Variants in WARS1 observed in about 807,000 individuals in gnomAD.
WARS1 encodes the protein tryptophan--tRNA ligase, cytoplasmic.
WARS1 carries 17 observed loss-of-function variants against 47.8 expected under a neutral mutation model. That is an observed-to-expected ratio of 0.36 (90% confidence interval 0.24 to 0.53). The LOEUF (loss-of-function observed/expected upper bound fraction) is 0.53. WARS1 is among the 20% of genes least tolerant of loss of function. WARS1 has a pLI of 0.91. For missense variants in WARS1, 434 were observed against 608.0 expected, an observed-to-expected ratio of 0.71 and a Z score of 3.01; for synonymous variants, 208 against 228.1, an observed-to-expected ratio of 0.91 and a Z score of 0.79.
rs2234527 is a variant in WARS1, at chr14:100,342,317, C to T, written c.1113+81G>A. On this transcript the variant is annotated intron_variant, in intron 9 of 10. Coordinates refer to ENST00000392882, the MANE Select transcript of WARS1 (RefSeq NM_004184.4). The stretch of plus-strand genomic sequence containing the variant: ...TGGGTGGCTGAGGCCCAAAGCACTG[C>T]GCAGTGGTGTGTGTGTGCGTGTGCC... 1.5e-3 allele frequency: 2,325 copies of T among 1,580,020 alleles called. 35 individuals are homozygous for T. In the African/African-American group the frequency reaches 0.028, roughly 19 times the overall value.
At chr14:100,338,394 T>C (rs1017438740) in intron 9 of WARS1, among the ~76,000 whole-genome samples, 1 of 151,966 alleles carries the variant, frequency 6.6e-6, no homozygotes, top group Non-Finnish European at 1.5e-5. Context: ...GCCTCCTGAG[T>C]AGCTAGGAGT....
chr14:100,345,910 C>T (rs1030813687), intron 7 of WARS1, among the ~76,000 whole-genome samples: 1 of 152,208 alleles, frequency 6.6e-6, no homozygotes, highest in Non-Finnish European at 1.5e-5. Context: ...GCTGGCCCAG[C>T]GTGACCCTGA....
intron 1 of WARS1, chr14:100,370,557 C>G (rs549237317): frequency 6.6e-6 from 1 of 152,318 alleles, no homozygotes; most frequent in East Asian, 1.9e-4. Context: ...AAGGCTAGTG[C>G]CTGAGCTGCT....
rs1328073795 is a variant in WARS1 at position 100,334,425 on chromosome 14, T to G, written c.*450A>C. The stretch of plus-strand genomic sequence containing the variant: ...CTTGTGCTCAATAAACCTCCCCACA[T>G]CAATATTTCAAAGCACTTTCTAGGT... On this transcript the variant is annotated 3_prime_UTR_variant, in exon 11 of 11. Coordinates refer to ENST00000392882, the MANE Select transcript of WARS1 (RefSeq NM_004184.4). 1 of 152,634 alleles carries G rather than the reference T, an allele frequency of 6.6e-6. No individual in the cohort carries two copies. Among genetic ancestry groups the G allele is most frequent in the Non-Finnish European group, 1.5e-5 (1 of 68,274 alleles). 9.5% of individuals were successfully genotyped at this position (152,634 alleles called of 1,614,324 possible). A position where few individuals can be genotyped will look rare whatever the true frequency, so the allele number is the denominator to read the frequency against.
intron 6 of WARS1, 115 bp downstream of exon 6, chr14:100,353,572 A>G (rs766755259): frequency 7.8e-7 from 1 of 1,287,772 alleles, no homozygotes; most frequent in Non-Finnish European, 1.1e-6. Flanking sequence ...ATAAAGGAAG[A>G]AGAACATTTA....
chr14:100,336,434 A>T (rs182805537), intron 10 of WARS1, among the ~76,000 whole-genome samples: 27 of 152,346 alleles, frequency 1.8e-4, no homozygotes, highest in South Asian at 2.1e-4. Flanking sequence ...AAAATAGTTC[A>T]TGCCCGCATA....
intron 10 of WARS1, among the ~76,000 whole-genome samples, chr14:100,335,534 C>T (rs1893662789): frequency 6.6e-6 from 1 of 152,028 alleles, no homozygotes; most frequent in South Asian, 2.1e-4. Flanking sequence ...CCTGCCACCA[C>T]GCCTGGCTAA....
At chr14:100,359,543 C>G (rs999217523) in intron 4 of WARS1, among the ~76,000 whole-genome samples, 4 of 152,140 alleles carry the variant, frequency 2.6e-5, no homozygotes, top group Admixed American at 2.6e-4. Context: ...TTATGCCTAC[C>G]TACTGTTCCA....
At chr14:100,345,609 T>G (rs1468912346) in intron 7 of WARS1, among the ~76,000 whole-genome samples, 1 of 151,898 alleles carries the variant, frequency 6.6e-6, no homozygotes, top group Non-Finnish European at 1.5e-5. Flanking sequence ...ACTATTGTCC[T>G]GTGACCCTGC....
At chr14:100,339,256 G>T (rs1033747978) in intron 9 of WARS1, among the ~76,000 whole-genome samples, 2 of 152,148 alleles carry the variant, frequency 1.3e-5, no homozygotes, top group Non-Finnish European at 2.9e-5. Flanking sequence ...TTGCTGAGAG[G>T]CTGGGCAGGG....
chr14:100,358,596 G>A (rs1247799847), intron 4 of WARS1, among the ~76,000 whole-genome samples: 2 of 152,186 alleles, frequency 1.3e-5, no homozygotes, highest in Non-Finnish European at 2.9e-5. Context: ...AACCATAGGT[G>A]TAAATCTTCA....
At chr14:100,360,931 T>C (rs1361372207) in intron 3 of WARS1, among the ~76,000 whole-genome samples, 1 of 152,156 alleles carries the variant, frequency 6.6e-6, no homozygotes, top group Non-Finnish European at 1.5e-5. Flanking sequence ...ATGGGAAACA[T>C]ATTCAGAATG....
intron 6 of WARS1, among the ~76,000 whole-genome samples, chr14:100,353,416 A>C (rs1895119285): frequency 1.8e-5 from 2 of 112,652 alleles, no homozygotes; most frequent in South Asian, 7.5e-4. Context: ...ACACCCAACT[A>C]ATTTTTGTAT....
intron 4 of WARS1, among the ~76,000 whole-genome samples, chr14:100,357,815 T>C (rs1410483929): frequency 6.6e-6 from 1 of 152,110 alleles, no homozygotes; most frequent in Non-Finnish European, 1.5e-5. Context: ...ATTAAGAAAA[T>C]GCCATTTAGA....
rs571072174 is a variant in WARS1 at position 100,345,192 on chromosome 14, C to T, written c.826+1554G>A. Among the ~76,000 whole-genome samples, 125 of 150,150 alleles carry T rather than the reference C, an allele frequency of 8.3e-4. 1 individual carries two copies. Among genetic ancestry groups the T allele is most frequent in the African/African-American group, 2.6e-3 (108 of 41,102 alleles). ...GGTGTACCCAACAGCTCATTGAGAACGGGCCATGATGACAATGGCAGTTTT... is the reference window on the plus strand; with the variant it reads ...GGTGTACCCAACAGCTCATTGAGAATGGGCCATGATGACAATGGCAGTTTT... On this transcript the variant is annotated intron_variant, in intron 7 of 10. Transcript: ENST00000392882.
intron 10 of WARS1, among the ~76,000 whole-genome samples, chr14:100,335,783 A>T (rs1484007871): frequency 6.6e-6 from 1 of 152,174 alleles, no homozygotes; most frequent in East Asian, 1.9e-4. Context: ...AGTAAAGAAA[A>T]ATCACCTACA....
intron 6 of WARS1, among the ~76,000 whole-genome samples, chr14:100,347,647 G>A (rs1894715340): frequency 6.6e-6 from 1 of 152,098 alleles, no homozygotes; most frequent in Non-Finnish European, 1.5e-5. Flanking sequence ...CATGATCTTG[G>A]CTCACTGCAA....
intron 6 of WARS1, among the ~76,000 whole-genome samples, chr14:100,350,399 G>GAAAAAAA (rs56393656): frequency 0.16 from 17,494 of 112,044 alleles, 2,092 homozygotes; most frequent in Non-Finnish European, 0.2. Context: ...CTCAAAAAAA[G>GAAAAAAA]AAAAAAAAAA....
Position 100,334,842 on chromosome 14 carries a change from T to C in WARS1, c.*33A>G. ...GGATTATTGATACATTACTGATACA[T>C]CACTTCTTTTATAAGCATATGTAAA... On this transcript the variant is annotated 3_prime_UTR_variant, in exon 11 of 11. Transcript: ENST00000392882. The C allele has an allele frequency of 3.1e-6, 5 of 1,608,408 alleles. No individual in the cohort carries two copies. The highest frequency in any genetic ancestry group is 4.3e-6 in the Non-Finnish European group (5 of 1,176,050).
Sources: gnomAD v4.1 joint callset for allele counts (sites outside exome capture counted in the v4.1 genomes callset) on GRCh38, gnomAD v4.1.1 for gene constraint, MANE v1.5 for transcripts, NCBI Gene and HGNC (gene_info 2026-07-23, HGNC 2026-07-21) for gene names.